PCDHA3: variants seen among roughly 807,000 people sequenced by gnomAD.
PCDHA3 encodes protocadherin alpha-3.
Under a neutral mutation model 62.2 loss-of-function variants are expected in PCDHA3, and 41 were observed. The ratio of observed to expected loss-of-function variants is 0.66; its 90% CI spans 0.51 to 0.86. PCDHA3 has a LOEUF of 0.86. Among genes scored for constraint, PCDHA3 ranks in the 40% least tolerant of loss-of-function variants. The pLI, the probability that PCDHA3 is intolerant of heterozygous loss-of-function variation, is 0.00. For missense variants in PCDHA3, 1,304 were observed against 1,241.2 expected (o/e 1.05, Z -0.76); for synonymous variants, 640 against 555.4 (o/e 1.15, Z -2.14).
At chr5:140,807,351 A>T in intron 1 of PCDHA3, 1 of 1,612,072 alleles carries the variant, frequency 6.2e-7, no homozygotes, top group Non-Finnish European at 8.5e-7. Flanking sequence ...CTGGGACTGG[A>T]GCTGGCGGAG....
chr5:140,857,254 TTAC>T, intron 1 of PCDHA3: 1 of 1,598,512 alleles, frequency 6.3e-7, no homozygotes, highest in Non-Finnish European at 8.6e-7. Flanking sequence ...CCTACAAGAA[TTAC>T]TACTCATTGG....
chr5:140,937,229 G>A (rs2091424119), intron 1 of PCDHA3, among the ~76,000 whole-genome samples: 1 of 151,784 alleles, frequency 6.6e-6, no homozygotes, highest in Non-Finnish European at 1.5e-5. Flanking sequence ...TGTAGAGACG[G>A]GGTTTCACCG....
rs1580998752 is a variant in PCDHA3 at position 140,842,398 on chromosome 5, A to G, written c.2394+38807A>G. 3.1e-6 allele frequency: 5 copies of G among 1,611,514 alleles called. No individual in the cohort carries two copies. The African/African-American group carries it at 6.7e-5, about 22-fold the overall frequency. On this transcript the variant is annotated intron_variant, in intron 1 of 3. Coordinates refer to ENST00000522353, the MANE Select transcript of PCDHA3 (RefSeq NM_018906.3). ...CACTGACTTCCTTATCCTTGCCTGTACGTGAAGACGCTCAATTTGGTACTG... is the reference window on the plus strand; with the variant it reads ...CACTGACTTCCTTATCCTTGCCTGTGCGTGAAGACGCTCAATTTGGTACTG...
intron 1 of PCDHA3, chr5:140,823,323 G>A: frequency 1.9e-6 from 3 of 1,612,186 alleles, no homozygotes; most frequent in Non-Finnish European, 8.5e-7. Context: ...GCGGCAAGGT[G>A]TACGCGCTGC....
At chr5:140,871,299 G>C (rs782459625) in intron 1 of PCDHA3, 1 of 1,613,916 alleles carries the variant, frequency 6.2e-7, no homozygotes, top group Non-Finnish European at 8.5e-7. Context: ...GCGCGTGCGC[G>C]CCGGGGAAGC....
rs1588262423 is a variant in PCDHA3 at position 141,011,885 on chromosome 5, T to C, written c.*1948T>C. 1 of 153,482 alleles carries C rather than the reference T, an allele frequency of 6.5e-6. No homozygotes were observed. The highest frequency in any genetic ancestry group is 1.9e-4 in the East Asian group (1 of 5,202). 9.5% of individuals were successfully genotyped at this position (153,482 alleles called of 1,614,324 possible). ...ATAATGTACAATTTAGAAGTTTGATTAATTATATTATCTATTTAGGCATTA... is the reference window on the plus strand; with the variant it reads ...ATAATGTACAATTTAGAAGTTTGATCAATTATATTATCTATTTAGGCATTA... On this transcript the variant is annotated 3_prime_UTR_variant, in exon 4 of 4. Transcript: ENST00000522353.
chr5:140,855,239 A>T (rs1315147782), intron 1 of PCDHA3, among the ~76,000 whole-genome samples: 1 of 149,864 alleles, frequency 6.7e-6, no homozygotes, highest in Non-Finnish European at 1.5e-5. Flanking sequence ...TTAAGGTACT[A>T]TTGCAAGCAC....
At chr5:140,832,383 C>T (rs1771959365) in intron 1 of PCDHA3, among the ~76,000 whole-genome samples, 1 of 152,184 alleles carries the variant, frequency 6.6e-6, no homozygotes, top group Non-Finnish European at 1.5e-5. Context: ...CTTGAAATGG[C>T]AGAAACTGGT....
At chr5:140,906,942 A>G (rs2073059599) in intron 1 of PCDHA3, among the ~76,000 whole-genome samples, 1 of 152,146 alleles carries the variant, frequency 6.6e-6, no homozygotes, top group Admixed American at 6.5e-5. Context: ...TGTCAATCTT[A>G]ATTTCCAGTT....
chr5:140,827,789 G>A (rs1378424997), intron 1 of PCDHA3, among the ~76,000 whole-genome samples: 1 of 152,206 alleles, frequency 6.6e-6, no homozygotes, highest in African/African-American at 2.4e-5. Flanking sequence ...AACACTGACC[G>A]TGCAAATTAC....
intron 1 of PCDHA3, among the ~76,000 whole-genome samples, chr5:140,844,762 T>C (rs1779533544): frequency 6.7e-6 from 1 of 149,418 alleles, no homozygotes; most frequent in Non-Finnish European, 1.5e-5. Context: ...CTTTGAAAAA[T>C]CCAAGATACT....
chr5:141,000,782 C>T (rs149032263), intron 3 of PCDHA3, among the ~76,000 whole-genome samples: 174 of 152,002 alleles, frequency 1.1e-3, no homozygotes, highest in African/African-American at 3.9e-3. Flanking sequence ...TGGCGCACAC[C>T]TGTATTCCTA....
intron 1 of PCDHA3, chr5:140,843,068 C>T (rs1345239073): frequency 1.3e-6 from 2 of 1,595,216 alleles, no homozygotes; most frequent in East Asian, 2.2e-5. Context: ...GCTGGTGCCG[C>T]GGTCTGTGGG....
At chr5:140,926,719 A>G (rs1315762828) in intron 1 of PCDHA3, 38 of 986,432 alleles carry the variant, frequency 3.9e-5, no homozygotes, top group Non-Finnish European at 4.4e-5. Flanking sequence ...AGCCCCGGCA[A>G]TGCCGGCGTT....
intron 1 of PCDHA3, chr5:140,850,986 T>C (rs2041915451): frequency 6.9e-7 from 1 of 1,450,124 alleles, no homozygotes; most frequent in South Asian, 1.6e-5. Context: ...TTTATTCATT[T>C]TTCTAGAAAT....
At chr5:140,841,417 C>A (rs1242106171) in intron 1 of PCDHA3, 5 of 1,612,932 alleles carry the variant, frequency 3.1e-6, no homozygotes, top group Non-Finnish European at 4.2e-6. Flanking sequence ...GCCAGCTCCA[C>A]TACTCCGTCC....
intron 2 of PCDHA3, 138 bp from the exon 3 acceptor site, chr5:140,982,337 A>G: frequency 6.9e-7 from 1 of 1,455,066 alleles, no homozygotes; most frequent in East Asian, 2.5e-5. Context: ...CTCAGCAGTA[A>G]TTGCTTCAGT....
intron 1 of PCDHA3, among the ~76,000 whole-genome samples, chr5:140,887,272 AT>A (rs2061386056): frequency 6.6e-6 from 1 of 151,690 alleles, no homozygotes; most frequent in South Asian, 2.1e-4. Context: ...AATTTTTTGT[AT>A]TTTTAGTAGA....
chr5:140,884,514 C>G, intron 1 of PCDHA3: 21 of 1,614,176 alleles, frequency 1.3e-5, no homozygotes, highest in South Asian at 2.2e-5. Flanking sequence ...GGGAGTTGGT[C>G]GTACTCGCAG....
Sources: gnomAD v4.1 joint callset for allele counts (sites outside exome capture counted in the v4.1 genomes callset) on GRCh38, gnomAD v4.1.1 for gene constraint, MANE v1.5 for transcripts, NCBI Gene and HGNC (gene_info 2026-07-23, HGNC 2026-07-21) for gene names.